DENND6B: variants seen among roughly 807,000 people sequenced by gnomAD.
DENND6B encodes the protein protein DENND6B.
In DENND6B, 73 loss-of-function variants were observed where a neutral mutation model predicts 85.1. The ratio of observed to expected loss-of-function variants is 0.86; its 90% CI spans 0.71 to 1.04. The LOEUF (loss-of-function observed/expected upper bound fraction) is 1.04, where lower values mean the gene tolerates loss of function less well. Ranked by LOEUF, DENND6B falls within the 50% of genes least tolerant of loss-of-function variation. The probability of loss-of-function intolerance (pLI) is 0.00; values close to 1 mark genes in which losing one functional copy is unlikely to be tolerated. For synonymous variants in DENND6B, 357 were observed against 329.3 expected, an observed-to-expected ratio of 1.08 and a Z score of -0.91; for missense variants, 715 against 785.8, an observed-to-expected ratio of 0.91 and a Z score of 1.08.
At chr22:50,320,672 G>A (rs1004383944) in intron 1 of DENND6B, among the ~76,000 whole-genome samples, 5 of 152,334 alleles carry the variant, frequency 3.3e-5, no homozygotes, top group East Asian at 1.9e-4. Context: ...CCACAGGGGT[G>A]CCTCAGGATA....
intron 5 of DENND6B, chr22:50,317,066 T>TGG (rs1201968730): frequency 3.2e-5 from 4 of 126,508 alleles, no homozygotes; most frequent in Non-Finnish European, 4.4e-5. Flanking sequence ...GAGGACAGGG[T>TGG]GGGGGGGGGC....
intron 3 of DENND6B, 57 bp from the exon 4 acceptor site, chr22:50,318,077 C>A: frequency 6.4e-7 from 1 of 1,566,268 alleles, no homozygotes; most frequent in South Asian, 1.1e-5. Context: ...TCTGCAGGCC[C>A]TGGAGCTGGT....
chr22:50,314,133 C>G lies in DENND6B; in HGVS notation c.1138+74G>C, dbSNP rs1310741877. The G allele has an allele frequency of 5.3e-6, 8 of 1,499,862 alleles. No homozygotes were observed. In the Admixed American group the frequency reaches 1.7e-4, roughly 32 times the overall value. The allele number at this position is 1,499,862 out of a possible 1,614,324, so 92.9% of individuals were successfully genotyped here. A position where few individuals can be genotyped will look rare whatever the true frequency, so the allele number is the denominator to read the frequency against. On this transcript the variant is annotated intron_variant, in intron 13 of 19. Transcript: ENST00000413817. ...CAGGGGTCTGGGGGCCTGGCTGCCC[C>G]ACCCGAGAGACCCGCCAGGTACAAG...
intron 1 of DENND6B, among the ~76,000 whole-genome samples, chr22:50,323,159 G>A (rs570202668): frequency 6.9e-6 from 1 of 145,028 alleles, no homozygotes; most frequent in East Asian, 2.1e-4. Flanking sequence ...GAGCCACCAC[G>A]CCCGGCTTGT....
intron 16 of DENND6B, 50 bp from the exon 17 acceptor site, chr22:50,313,158 T>C (rs1388485308): frequency 6.7e-7 from 1 of 1,501,914 alleles, no homozygotes; most frequent in Non-Finnish European, 9.1e-7. Flanking sequence ...CTCACAGGCC[T>C]GCACCCGGTA....
intron 1 of DENND6B, among the ~76,000 whole-genome samples, chr22:50,326,604 T>C (rs1220771620): frequency 3.9e-5 from 6 of 152,220 alleles, no homozygotes; most frequent in African/African-American, 1.4e-4. Context: ...TCCATCCCAA[T>C]GTGAAGACAA....
At chr22:50,319,810 C>A (rs1472774482) in intron 1 of DENND6B, among the ~76,000 whole-genome samples, 1 of 152,264 alleles carries the variant, frequency 6.6e-6, no homozygotes, top group Non-Finnish European at 1.5e-5. Context: ...CCTCCCCCTG[C>A]CAGGGCCTGT....
chr22:50,313,878 C>T lies in DENND6B; in HGVS notation c.1139G>A (p.Gly380Asp). The change falls in exon 14 of 20, where the codon GGC (glycine) becomes GAC (aspartate). Residue 380 changes from glycine to aspartate, a missense_variant and splice_region_variant. Gly to Asp is a moderately conservative substitution (Grantham distance 94, BLOSUM62 -1). Coordinates refer to ENST00000413817, the MANE Select transcript of DENND6B (RefSeq NM_001001794.4). ...SRLKTLDTKP[G>D]LYTAYTAHLH... ...GTGGGCCGTGTAAGCGGTGTAGAGGCCTGGCGGGAGGGCACAGCTGGCGCC... is the reference window on the plus strand; with the variant it reads ...GTGGGCCGTGTAAGCGGTGTAGAGGTCTGGCGGGAGGGCACAGCTGGCGCC... 1 of 1,608,912 alleles carries T rather than the reference C, an allele frequency of 6.2e-7. No homozygotes were observed. The highest frequency in any genetic ancestry group is 8.5e-7 in the Non-Finnish European group (1 of 1,178,802).
chr22:50,325,805 G>C (rs569260255), intron 1 of DENND6B, among the ~76,000 whole-genome samples: 1 of 152,164 alleles, frequency 6.6e-6, no homozygotes. Flanking sequence ...GTGGTGGGAG[G>C]GGCTCCAGAG....
intron 5 of DENND6B, 61 bp from the exon 6 acceptor site, chr22:50,316,536 G>C: frequency 1.0e-5 from 16 of 1,548,994 alleles, no homozygotes; most frequent in Non-Finnish European, 1.4e-5. Context: ...CCACTCAGGA[G>C]CCCACGGGGA....
chr22:50,317,907 C>T lies in DENND6B; in HGVS notation c.372+1G>A. ...GGCCAGAGACGCAGCCCAGTGCTCA[C>T]CTGCAGTGCCACAGGGGCCCTGCTG... On this transcript the variant is annotated splice_donor_variant, in intron 4 of 19. Transcript: ENST00000413817. LOFTEE classifies it high-confidence loss of function. 6.2e-7 allele frequency: 1 copy of T among 1,606,244 alleles called. No individual in the cohort carries two copies. The highest frequency in any genetic ancestry group is 8.5e-7 in the Non-Finnish European group (1 of 1,179,024).
intron 1 of DENND6B, among the ~76,000 whole-genome samples, chr22:50,323,417 G>A (rs1192060202): frequency 6.6e-6 from 1 of 151,614 alleles, no homozygotes; most frequent in Non-Finnish European, 1.5e-5. Flanking sequence ...AGCCTCCAGA[G>A]TAGCTGGGAT....
chr22:50,314,991 C>T (rs1477635988), intron 9 of DENND6B, 70 bp from the exon 10 acceptor site: 1 of 1,581,146 alleles, frequency 6.3e-7, no homozygotes, highest in Non-Finnish European at 8.6e-7. Flanking sequence ...CCCGCTCTCC[C>T]ACCGTTCACC....
chr22:50,322,579 T>G (rs187966578), intron 1 of DENND6B, among the ~76,000 whole-genome samples: 1 of 152,140 alleles, frequency 6.6e-6, no homozygotes, highest in Non-Finnish European at 1.5e-5. Context: ...AGACAGAGTC[T>G]CACTCTGTCA....
intron 1 of DENND6B, among the ~76,000 whole-genome samples, chr22:50,322,244 T>TC (rs1378324441): frequency 6.6e-6 from 1 of 152,176 alleles, no homozygotes; most frequent in African/African-American, 2.4e-5. Context: ...CCAGCTAATT[T>TC]TTTGTATTTT....
rs1406124219 is a variant in DENND6B, at chr22:50,326,881, C to G, written c.108G>C (p.Ala36=). ...CACACTCCAGCCAGGCGGAGAAGCG[C>G]GCCCAGGGCGCCGCCGGGGTCCGCG... is the stretch of plus-strand genomic sequence containing the variant. The part of the protein sequence containing the change: ...RAARTPAAPW[A]RFSAWLECVC... The change falls in exon 1 of 20, where the codon GCG becomes GCC. Residue 36 remains alanine, a synonymous_variant. Coordinates refer to ENST00000413817, the MANE Select transcript of DENND6B (RefSeq NM_001001794.4). 2.1e-6 allele frequency: 3 copies of G among 1,416,106 alleles called. No homozygotes were observed. Among genetic ancestry groups the G allele is most frequent in the Non-Finnish European group, 2.8e-6 (3 of 1,085,464 alleles). The allele number at this position is 1,416,106 out of a possible 1,614,324, so 87.7% of individuals were successfully genotyped here.
At chr22:50,319,338 C>G in intron 1 of DENND6B, 3 of 985,386 alleles carry the variant, frequency 3.0e-6, no homozygotes, top group Non-Finnish European at 3.6e-6. Flanking sequence ...GGCTTCTCTA[C>G]TCCCACCTCC....
At chr22:50,321,158 T>C (rs1280486780) in intron 1 of DENND6B, among the ~76,000 whole-genome samples, 2 of 152,036 alleles carry the variant, frequency 1.3e-5, no homozygotes, top group East Asian at 1.9e-4. Context: ...AGAAGGCACA[T>C]GCAGGGAGCG....
At chr22:50,323,182 A>C (rs1317999030) in intron 1 of DENND6B, among the ~76,000 whole-genome samples, 2 of 145,224 alleles carry the variant, frequency 1.4e-5, no homozygotes, top group Non-Finnish European at 3.0e-5. Context: ...TTTGTTTTTT[A>C]ACAGACAGGG....
Sources: gnomAD v4.1 joint callset for allele counts (sites outside exome capture counted in the v4.1 genomes callset) on GRCh38, gnomAD v4.1.1 for gene constraint, MANE v1.5 for transcripts, NCBI Gene and HGNC (gene_info 2026-07-23, HGNC 2026-07-21) for gene names.